The following CTDSPL2 variants were observed in gnomAD, a reference collection of about 807,000 sequenced individuals.
CTDSPL2 encodes CTD small phosphatase like 2.
CTDSPL2 carries 5 observed loss-of-function variants against 60.0 expected under a neutral mutation model. The ratio of observed to expected loss-of-function variants is 0.08; its 90% CI spans 0.04 to 0.18. The LOEUF (loss-of-function observed/expected upper bound fraction) is 0.18, where lower values mean the gene tolerates loss of function less well. Ranked by LOEUF, CTDSPL2 falls within the 10% of genes least tolerant of loss-of-function variation. The pLI, the probability that CTDSPL2 is intolerant of heterozygous loss-of-function variation, is 1.00. For missense variants in CTDSPL2, 370 were observed against 548.8 expected (o/e 0.67, Z 3.26); for synonymous variants, 186 against 189.3 (o/e 0.98, Z 0.14).
Position 44,438,566 on chromosome 15 carries a change from G to C in CTDSPL2, c.-25+10794G>C, listed in dbSNP as rs1166643956. Among the ~76,000 whole-genome samples the C allele has an allele frequency of 3.9e-5, 6 of 152,284 alleles. No homozygotes were observed. The East Asian group carries it at 9.6e-4, about 24-fold the overall frequency. On this transcript the variant is annotated intron_variant, in intron 1 of 12. Transcript: ENST00000260327. ...CTAAGTTTCTGGCTTGGCTAGTTAG[G>C]TAGATGGTAGTAGCATTACTTGTGA...
intron 2 of CTDSPL2, among the ~76,000 whole-genome samples, chr15:44,470,029 C>T (rs1378448666): frequency 1.4e-5 from 2 of 138,776 alleles, no homozygotes; most frequent in Non-Finnish European, 3.0e-5. Context: ...ACCTGGGAGG[C>T]GGAGCTTGCA....
intron 2 of CTDSPL2, 53 bp downstream of exon 2, chr15:44,459,253 C>A (rs1670957529): frequency 4.5e-6 from 6 of 1,329,576 alleles, no homozygotes; most frequent in Non-Finnish European, 6.2e-6. Flanking sequence ...ATTGGCCGGG[C>A]ACGGTGGCTC....
chr15:44,468,034 T>C (rs2080731692), intron 2 of CTDSPL2, among the ~76,000 whole-genome samples: 1 of 152,184 alleles, frequency 6.6e-6, no homozygotes, highest in South Asian at 2.1e-4. Context: ...TGTTTTTAAA[T>C]TTTGGGATTA....
Position 44,526,924 on chromosome 15 carries a change from T to G in CTDSPL2, c.*2750T>G, listed in dbSNP as rs2081885168. The G allele has an allele frequency of 6.6e-6, 1 of 152,584 alleles. No homozygotes were observed. Among genetic ancestry groups the G allele is most frequent in the Non-Finnish European group, 1.5e-5 (1 of 67,986 alleles). 9.5% of individuals were successfully genotyped at this position (152,584 alleles called of 1,614,324 possible). The stretch of plus-strand genomic sequence containing the variant: ...GGAGTACATATTAAAGTCGTGCTAT[T>G]TCCAGTGGTAAATGTCTGACTTTTA... On this transcript the variant is annotated 3_prime_UTR_variant, in exon 13 of 13. Transcript: ENST00000260327.
At chr15:44,523,388 C>CTACATACATACATACATACATACA (rs61461067) in intron 12 of CTDSPL2, among the ~76,000 whole-genome samples, 1 of 145,006 alleles carries the variant, frequency 6.9e-6, no homozygotes, top group African/African-American at 2.6e-5. Flanking sequence ...GACCTCATCT[C>CTACATACATACATACATACATACA]TACATACATA....
At chr15:44,430,738 T>C (rs1229635147) in intron 1 of CTDSPL2, among the ~76,000 whole-genome samples, 2 of 152,158 alleles carry the variant, frequency 1.3e-5, no homozygotes, top group Non-Finnish European at 2.9e-5. Flanking sequence ...TGTGTTGTGC[T>C]CTAAGTAATT....
At chr15:44,444,776 C>T (rs1314999189) in intron 1 of CTDSPL2, among the ~76,000 whole-genome samples, 1 of 142,324 alleles carries the variant, frequency 7.0e-6, no homozygotes, top group Non-Finnish European at 1.5e-5. Flanking sequence ...TTTCCCAGTA[C>T]CAGATATCTA....
intron 5 of CTDSPL2, among the ~76,000 whole-genome samples, chr15:44,496,034 A>T (rs536184426): frequency 1.4e-4 from 21 of 152,328 alleles, no homozygotes; most frequent in African/African-American, 4.8e-4. Flanking sequence ...CCCCTATAAG[A>T]GCACCATGAA....
chr15:44,479,655 T>C (rs2080990071), intron 2 of CTDSPL2, among the ~76,000 whole-genome samples: 1 of 152,112 alleles, frequency 6.6e-6, no homozygotes, highest in Non-Finnish European at 1.5e-5. Flanking sequence ...GTGAGGCTCC[T>C]GCCTCGACCT....
At chr15:44,442,092 T>C (rs546202927) in intron 1 of CTDSPL2, among the ~76,000 whole-genome samples, 43 of 152,290 alleles carry the variant, frequency 2.8e-4, no homozygotes, top group Non-Finnish European at 4.3e-4. Flanking sequence ...TTGTCATCTT[T>C]TCCCAGTCTC....
At chr15:44,508,812 G>A (rs2433350) in intron 8 of CTDSPL2, among the ~76,000 whole-genome samples, 138,155 of 152,130 alleles carry the variant, frequency 0.91, 63,406 homozygotes, top group Middle Eastern at 0.98. Context: ...TGAGCTATTC[G>A]GGAGGCTGAG....
chr15:44,492,170 A>G (rs987362147), intron 5 of CTDSPL2, among the ~76,000 whole-genome samples: 1 of 151,996 alleles, frequency 6.6e-6, no homozygotes, highest in Non-Finnish European at 1.5e-5. Context: ...CGCCCGGCCA[A>G]AAAAAATTTT....
chr15:44,442,340 G>A (rs950407398), intron 1 of CTDSPL2, among the ~76,000 whole-genome samples: 2 of 151,648 alleles, frequency 1.3e-5, no homozygotes, highest in Admixed American at 6.6e-5. Flanking sequence ...CCAGCTACTC[G>A]GGATGCTGAG....
intron 2 of CTDSPL2, among the ~76,000 whole-genome samples, chr15:44,476,607 C>T (rs1488598642): frequency 1.3e-5 from 2 of 151,962 alleles, no homozygotes; most frequent in Non-Finnish European, 2.9e-5. Context: ...GTACTTTTTT[C>T]TGTGTTTAGG....
intron 1 of CTDSPL2, chr15:44,448,092 CAT>C: frequency 4.0e-6 from 1 of 249,650 alleles, no homozygotes; most frequent in Non-Finnish European, 8.2e-6. Context: ...TCATGGGGCT[CAT>C]GTGCTCCAGG....
chr15:44,487,881 C>T (rs771529089), intron 4 of CTDSPL2, among the ~76,000 whole-genome samples: 8 of 151,906 alleles, frequency 5.3e-5, no homozygotes, highest in Non-Finnish European at 1.0e-4. Context: ...TTTAGGAGGC[C>T]GAGGCAGGTG....
At chr15:44,434,717 T>TAA (rs2079938041) in intron 1 of CTDSPL2, among the ~76,000 whole-genome samples, 1 of 152,210 alleles carries the variant, frequency 6.6e-6, no homozygotes. Context: ...CATTCTTTTC[T>TAA]TTCTTATTTA....
intron 4 of CTDSPL2, among the ~76,000 whole-genome samples, chr15:44,488,372 A>T (rs903415627): frequency 4.6e-5 from 7 of 152,140 alleles, no homozygotes; most frequent in African/African-American, 1.7e-4. Flanking sequence ...AAATAGACAC[A>T]TTTTTGGTGC....
intron 12 of CTDSPL2, among the ~76,000 whole-genome samples, chr15:44,522,205 TG>T (rs1435058171): frequency 6.6e-6 from 1 of 152,064 alleles, no homozygotes; most frequent in East Asian, 1.9e-4. Context: ...GTCTAATTTT[TG>T]TATTTTTTGT....
Sources: gnomAD v4.1 joint callset for allele counts (sites outside exome capture counted in the v4.1 genomes callset) on GRCh38, gnomAD v4.1.1 for gene constraint, MANE v1.5 for transcripts, NCBI Gene and HGNC (gene_info 2026-07-23, HGNC 2026-07-21) for gene names.